CEP95: variants seen among roughly 807,000 people sequenced by gnomAD.
CEP95 encodes centrosomal protein 95, also known as centrosomal protein of 95 kDa.
In CEP95, 98 loss-of-function variants were observed where a neutral mutation model predicts 111.2. That is an observed-to-expected ratio of 0.88 (90% CI 0.75 to 1.04). The LOEUF is 1.04. CEP95 is among the 50% of genes least tolerant of loss of function. The probability of loss-of-function intolerance (pLI) is 0.00; values close to 1 mark genes in which losing one functional copy is unlikely to be tolerated. For missense variants in CEP95, 1,027 were observed against 977.2 expected (o/e 1.05, Z -0.68); for synonymous variants, 323 against 327.1 (o/e 0.99, Z 0.14).
At position 64,508,241 on chromosome 17, in the gene CEP95, A is replaced by G. The variant is rs1204698822; in HGVS notation, c.20-351A>G. On this transcript the variant is annotated intron_variant, in intron 1 of 19. Transcript: ENST00000556440. ...TCGGATTATCATTAAACTGTTGTTT[A>G]TGACATAATATTCCTGTTTACTTGT... 9 of 985,202 alleles carry G rather than the reference A, an allele frequency of 9.1e-6. No homozygotes were observed. In the African/African-American group the frequency reaches 1.4e-4, roughly 15 times the overall value. The allele number at this position is 985,202 out of a possible 1,614,324, so 61.0% of individuals were successfully genotyped here. A position where few individuals can be genotyped will look rare whatever the true frequency, so the allele number is the denominator to read the frequency against.
At chr17:64,506,916 T>C (rs903672964), upstream of CEP95, 2 of 713,892 alleles carry the variant, frequency 2.8e-6, no homozygotes, top group Non-Finnish European at 5.0e-6. Context: ...AAGGAAGTGC[T>C]CCTCTGATGA....
intron 1 of CEP95, chr17:64,507,361 G>C: frequency 7.1e-7 from 1 of 1,413,528 alleles, no homozygotes; most frequent in African/African-American, 1.5e-5. Flanking sequence ...AGGACACTTG[G>C]GTCCTGGCTG....
intron 1 of CEP95, 160 bp downstream of exon 1, chr17:64,507,276 C>T (rs2038600067): frequency 2.0e-6 from 3 of 1,480,258 alleles, no homozygotes; most frequent in Admixed American, 4.8e-5. Context: ...CTCTCAGCTT[C>T]ACCACCTCTT....
intron 8 of CEP95, 147 bp downstream of exon 8, chr17:64,523,042 G>A (rs1967486636): frequency 4.4e-6 from 3 of 688,798 alleles, no homozygotes; most frequent in Non-Finnish European, 7.2e-6. Context: ...TATATTTAAA[G>A]AAGTCTGCTA....
intron 3 of CEP95, among the ~76,000 whole-genome samples, chr17:64,511,798 A>C (rs2038912337): frequency 6.6e-6 from 1 of 152,192 alleles, no homozygotes; most frequent in Non-Finnish European, 1.5e-5. Context: ...GATTGCAGTA[A>C]AGACAGGCAT....
chr17:64,522,672 C>T (rs140470984), intron 7 of CEP95, 30 bp from the exon 8 acceptor site: 82 of 1,534,548 alleles, frequency 5.3e-5, no homozygotes, highest in African/African-American at 2.8e-5. Flanking sequence ...AGAATTGCAT[C>T]GTAATATCCA....
Position 64,531,502 on chromosome 17 carries a change from T to A in CEP95, c.1540-388T>A, listed in dbSNP as rs781903488. Among the ~76,000 whole-genome samples, 4 of 152,252 alleles carry A rather than the reference T, an allele frequency of 2.6e-5. No homozygotes were observed. In the South Asian group the frequency reaches 8.3e-4, roughly 32 times the overall value. On this transcript the variant is annotated intron_variant, in intron 13 of 19. Transcript: ENST00000556440. ...GAACAAAACAGGATATAAAGTACAG[T>A]ATGGTTACAACTAAGCATACTGCAT...
Position 64,507,010 on chromosome 17 carries a change from C to T in CEP95, c.-88C>T, listed in dbSNP as rs1568113957. 4.1e-6 allele frequency: 6 copies of T among 1,474,902 alleles called. No homozygotes were observed. Among genetic ancestry groups the T allele is most frequent in the East Asian group, 2.5e-5 (1 of 40,588 alleles). 91.4% of individuals were successfully genotyped at this position (1,474,902 alleles called of 1,614,324 possible). On this transcript the variant is annotated 5_prime_UTR_variant, in exon 1 of 20. Transcript: ENST00000556440. ...CGCTTTGGTTCGTGCGTCCGCGCCC[C>T]AGTGTCGGGTCTGCGTGGATCGGTC...
chr17:64,516,933 T>TG, intron 5 of CEP95, 105 bp downstream of exon 5: 1 of 623,882 alleles, frequency 1.6e-6, no homozygotes, highest in East Asian at 2.8e-5. Context: ...AAAGCTAATG[T>TG]GAAACTTCTA....
At chr17:64,522,138 C>G (rs567785320) in intron 7 of CEP95, among the ~76,000 whole-genome samples, 1 of 152,122 alleles carries the variant, frequency 6.6e-6, no homozygotes, top group South Asian at 2.1e-4. Flanking sequence ...AGCGTGAGCT[C>G]CCGCACCCGG....
chr17:64,520,303 A>G (rs1967215033), intron 6 of CEP95, among the ~76,000 whole-genome samples: 1 of 152,176 alleles, frequency 6.6e-6, no homozygotes, highest in South Asian at 2.1e-4. Flanking sequence ...AGGCAAAGGA[A>G]AAAAGATTCA....
At position 64,533,144 on chromosome 17, in the gene CEP95, C is replaced by T. The variant is rs782399845; in HGVS notation, c.1870C>T (p.Leu624Phe). 63 of 1,599,502 alleles carry T rather than the reference C, an allele frequency of 3.9e-5. No individual in the cohort carries two copies. Among genetic ancestry groups the T allele is most frequent in the Non-Finnish European group, 5.2e-5 (61 of 1,176,422 alleles). ...AGAAGAAGCCCTAAGAAGGCATGACCTCCTTACTACCCTTGTCAAGAAAGA... is the reference window on the plus strand; with the variant it reads ...AGAAGAAGCCCTAAGAAGGCATGACTTCCTTACTACCCTTGTCAAGAAAGA... ...EIEEALRRHD[L>F]LTTLVKKEYE... Residue 624 changes from leucine (L) to phenylalanine (F), a missense_variant, in exon 16 of 20, where the codon CTC becomes TTC. Physicochemically the swap from Leu to Phe is conservative, Grantham distance 22 (BLOSUM62 0). Coordinates refer to ENST00000556440, the MANE Select transcript of CEP95 (RefSeq NM_138363.3).
intron 5 of CEP95, among the ~76,000 whole-genome samples, chr17:64,518,642 A>G (rs1053739603): frequency 1.3e-5 from 2 of 152,160 alleles, no homozygotes; most frequent in Admixed American, 6.5e-5. Flanking sequence ...GGTATAGTAC[A>G]TTGTAAAAAA....
At chr17:64,506,953 ACGTC>A (rs1321915365), upstream of CEP95, 1 of 862,402 alleles carries the variant, frequency 1.2e-6, no homozygotes, top group Admixed American at 2.0e-5. Flanking sequence ...AGCTCTTTTA[ACGTC>A]CGTCCTTCTT....
chr17:64,522,602 A>C, intron 7 of CEP95, 100 bp from the exon 8 acceptor site: 2 of 697,224 alleles, frequency 2.9e-6, no homozygotes, highest in Non-Finnish European at 4.6e-6. Context: ...AAATATTTCT[A>C]ATGTATGTGA....
At position 64,532,088 on chromosome 17, in the gene CEP95, A is replaced by G. The variant is rs1968320490; in HGVS notation, c.1672+66A>G. 7.5e-6 allele frequency: 11 copies of G among 1,462,318 alleles called. 1 individual carries two copies. The South Asian group carries it at 1.2e-4, about 17-fold the overall frequency. 90.6% of individuals were successfully genotyped at this position (1,462,318 alleles called of 1,614,324 possible). A position where few individuals can be genotyped will look rare whatever the true frequency, so the allele number is the denominator to read the frequency against. On this transcript the variant is annotated intron_variant, in intron 14 of 19. Coordinates refer to ENST00000556440, the MANE Select transcript of CEP95 (RefSeq NM_138363.3). ...CTTTGAAAGCATGTGCAACATTCCAAGGACACAGCACTGAAAGCTAACATC... is the reference window on the plus strand; with the variant it reads ...CTTTGAAAGCATGTGCAACATTCCAGGGACACAGCACTGAAAGCTAACATC...
rs543760285 is a variant in CEP95, at chr17:64,508,487, C to T, written c.20-105C>T. On this transcript the variant is annotated intron_variant, in intron 1 of 19. Coordinates refer to ENST00000556440, the MANE Select transcript of CEP95 (RefSeq NM_138363.3). The stretch of plus-strand genomic sequence containing the variant: ...CAAATTCCTTATCTTCTGCAAAGTT[C>T]AGTGTCTGTTTTTGTTGGGGGGGAG... 66 of 1,211,362 alleles carry T rather than the reference C, an allele frequency of 5.4e-5. No individual in the cohort carries two copies. The South Asian group carries it at 1.9e-3, about 36-fold the overall frequency. 75.0% of individuals were successfully genotyped at this position (1,211,362 alleles called of 1,614,324 possible).
At chr17:64,526,692 G>A (rs1462045573) in intron 10 of CEP95, among the ~76,000 whole-genome samples, 1 of 152,170 alleles carries the variant, frequency 6.6e-6, no homozygotes, top group Non-Finnish European at 1.5e-5. Flanking sequence ...CAGGTGTGGT[G>A]GCTCACAACT....
chr17:64,533,349 C>T (rs1555680852), intron 16 of CEP95, among the ~76,000 whole-genome samples, 158 bp downstream of exon 16: 4 of 152,172 alleles, frequency 2.6e-5, no homozygotes, highest in African/African-American at 9.7e-5. Context: ...TAGCCCATGC[C>T]TGTAATCCCA....
Sources: gnomAD v4.1 joint callset for allele counts (sites outside exome capture counted in the v4.1 genomes callset) on GRCh38, gnomAD v4.1.1 for gene constraint, MANE v1.5 for transcripts, NCBI Gene and HGNC (gene_info 2026-07-23, HGNC 2026-07-21) for gene names.